BTG4: variants seen among roughly 807,000 people sequenced by gnomAD.
BTG4 encodes protein BTG4.
A neutral mutation model predicts 19.3 loss-of-function variants in BTG4; 10 were observed. That is an observed-to-expected ratio of 0.52 (90% CI 0.32 to 0.88). BTG4 has a LOEUF of 0.88. Among genes scored for constraint, BTG4 ranks in the 40% least tolerant of loss-of-function variants. The pLI is 0.04. For missense variants in BTG4, 238 were observed against 281.9 expected, an observed-to-expected ratio of 0.84 and a Z score of 1.11; for synonymous variants, 91 against 95.7, an observed-to-expected ratio of 0.95 and a Z score of 0.29.
At chr11:111,446,584 T>G in the BTG4 span, among the ~76,000 whole-genome samples, 1 of 151,770 alleles carries the variant, frequency 6.6e-6, no homozygotes. Context: ...GATGCTAATC[T>G]TACTTCCTAT....
chr11:111,418,519 T>C, the BTG4 span, among the ~76,000 whole-genome samples: 1 of 152,224 alleles, frequency 6.6e-6, no homozygotes. Flanking sequence ...GATCCTCATG[T>C]CTGTCTTCCG....
the BTG4 span, among the ~76,000 whole-genome samples, chr11:111,430,485 TTC>T: frequency 6.6e-6 from 1 of 152,332 alleles, no homozygotes; most frequent in African/African-American, 2.4e-5. Context: ...GATGACTGAA[TTC>T]TGTCTGTCCT....
chr11:111,497,164 G>C (rs12270627), intron 4 of BTG4, 47 bp downstream of exon 4: 5 of 1,514,986 alleles, frequency 3.3e-6, no homozygotes, highest in Non-Finnish European at 4.5e-6. Context: ...ATTCTTTTTA[G>C]AATTAGATAG....
intron 1 of BTG4, among the ~76,000 whole-genome samples, chr11:111,510,003 C>T (rs1413286977): frequency 6.6e-6 from 1 of 150,794 alleles, no homozygotes; most frequent in Non-Finnish European, 1.5e-5. Flanking sequence ...CCTCTGCCTC[C>T]CGGGTTCAAG....
At chr11:111,465,877 C>T (rs527622307), downstream of BTG4, among the ~76,000 whole-genome samples, 54 of 152,234 alleles carry the variant, frequency 3.5e-4, 1 homozygote, top group Middle Eastern at 6.8e-3. Flanking sequence ...GCCTAAAATA[C>T]TTACTATCTG....
chr11:111,429,434 C>A, the BTG4 span, among the ~76,000 whole-genome samples: 1 of 152,200 alleles, frequency 6.6e-6, no homozygotes, highest in East Asian at 1.9e-4. Context: ...CTGATGAAAT[C>A]AGGCTGATTC....
chr11:111,480,309 T>TAC (rs1392678631), intron 5 of BTG4, among the ~76,000 whole-genome samples: 2 of 152,052 alleles, frequency 1.3e-5, no homozygotes, highest in African/African-American at 2.4e-5. Flanking sequence ...AATGCTTATA[T>TAC]ACACAACAGA....
chr11:111,424,607 A>C, the BTG4 span, among the ~76,000 whole-genome samples: 1 of 152,372 alleles, frequency 6.6e-6, no homozygotes, highest in East Asian at 1.9e-4. Context: ...TGTGGTTATT[A>C]ATAAACCAAG....
At chr11:111,403,342 T>C in the BTG4 span, among the ~76,000 whole-genome samples, 2 of 152,242 alleles carry the variant, frequency 1.3e-5, no homozygotes, top group Non-Finnish European at 2.9e-5. Flanking sequence ...GGCACTGCGT[T>C]AGGTAGGACT....
At chr11:111,416,840 A>T in the BTG4 span, 3 of 152,004 alleles carry the variant, frequency 2.0e-5, no homozygotes. Flanking sequence ...CAGATGAAAA[A>T]CTCAATAACT....
the BTG4 span, chr11:111,460,155 T>G: frequency 6.6e-6 from 1 of 152,622 alleles, no homozygotes; most frequent in Non-Finnish European, 1.5e-5. Context: ...AAAAAGGACC[T>G]GCCTTCCTTC....
At chr11:111,419,425 C>T in the BTG4 span, among the ~76,000 whole-genome samples, 2 of 152,250 alleles carry the variant, frequency 1.3e-5, no homozygotes, top group Non-Finnish European at 2.9e-5. Flanking sequence ...ACTTCCTGTA[C>T]GTGCCCCTCG....
At chr11:111,500,696 T>G (rs1182263499) in intron 1 of BTG4, among the ~76,000 whole-genome samples, 1 of 151,852 alleles carries the variant, frequency 6.6e-6, no homozygotes, top group Non-Finnish European at 1.5e-5. Flanking sequence ...TTTTCCAGCT[T>G]GCACACAATG....
chr11:111,394,489 C>CAT, the BTG4 span, among the ~76,000 whole-genome samples: 22 of 152,208 alleles, frequency 1.4e-4, no homozygotes, highest in Non-Finnish European at 2.4e-4. Context: ...TCATGTAAGA[C>CAT]ATGCCTTTGC....
downstream of BTG4, among the ~76,000 whole-genome samples, chr11:111,465,431 G>A (rs1863664604): frequency 6.6e-6 from 1 of 152,156 alleles, no homozygotes; most frequent in South Asian, 2.1e-4. Context: ...ATTTTATGGA[G>A]TGCTTTATAA....
the BTG4 span, among the ~76,000 whole-genome samples, chr11:111,451,662 G>A: frequency 9.4e-4 from 143 of 152,264 alleles, 2 homozygotes; most frequent in East Asian, 0.022. Context: ...TACTTGGGAG[G>A]CTGAGGCAGG....
At chr11:111,438,858 G>C in the BTG4 span, among the ~76,000 whole-genome samples, 1 of 152,208 alleles carries the variant, frequency 6.6e-6, no homozygotes, top group African/African-American at 2.4e-5. Flanking sequence ...ACTGGACACT[G>C]TCTTAGGTTT....
At chr11:111,502,287 A>C (rs571978780) in intron 1 of BTG4, among the ~76,000 whole-genome samples, 2 of 152,196 alleles carry the variant, frequency 1.3e-5, no homozygotes, top group South Asian at 4.1e-4. Flanking sequence ...ATTCTGACTT[A>C]ATTGGTATAG....
chr11:111,429,789 G>A, the BTG4 span, among the ~76,000 whole-genome samples: 51,264 of 152,078 alleles, frequency 0.34, 8,691 homozygotes, highest in African/African-American at 0.36. Flanking sequence ...AACGTAAAGG[G>A]GCAACTCCCC....
Sources: gnomAD v4.1 joint callset for allele counts (sites outside exome capture counted in the v4.1 genomes callset) on GRCh38, gnomAD v4.1.1 for gene constraint, MANE v1.5 for transcripts, NCBI Gene and HGNC (gene_info 2026-07-23, HGNC 2026-07-21) for gene names.